The following SIN3A variants were observed in gnomAD, a reference collection of about 807,000 sequenced individuals.
The protein encoded by SIN3A is SIN3 transcription regulator family member A.
In SIN3A, 14 loss-of-function variants were observed where a neutral mutation model predicts 146.1. That is an observed-to-expected ratio of 0.10 (90% CI 0.06 to 0.15). The LOEUF is 0.15. SIN3A is among the 10% of genes least tolerant of loss of function. The probability of loss-of-function intolerance (pLI) is 1.00; values close to 1 mark genes in which losing one functional copy is unlikely to be tolerated. For synonymous variants in SIN3A, 572 were observed against 572.0 expected, an observed-to-expected ratio of 1.00 and a Z score of 0.00; for missense variants, 1,028 against 1,576.0, an observed-to-expected ratio of 0.65 and a Z score of 5.89.
chr15:75,452,967 C>A (rs1286811404), upstream of SIN3A: 1 of 152,266 alleles, frequency 6.6e-6, no homozygotes, highest in East Asian at 1.9e-4. Context: ...AAAGTGCTTT[C>A]AATTCCTAGT....
At chr15:75,432,118 T>C (rs1269946872) in intron 1 of SIN3A, among the ~76,000 whole-genome samples, 3 of 152,214 alleles carry the variant, frequency 2.0e-5, no homozygotes, top group South Asian at 2.1e-4. Context: ...TAGCATGAAA[T>C]AGCATGTTTA....
intron 1 of SIN3A, among the ~76,000 whole-genome samples, chr15:75,444,081 T>C (rs985806236): frequency 1.3e-5 from 2 of 152,306 alleles, no homozygotes; most frequent in East Asian, 3.9e-4. Flanking sequence ...CATTTCAATA[T>C]ACAGGAAAAA....
chr15:75,428,013 AAAT>A (rs1340696184), intron 2 of SIN3A, among the ~76,000 whole-genome samples: 1 of 151,770 alleles, frequency 6.6e-6, no homozygotes, highest in Non-Finnish European at 1.5e-5. Context: ...ATAAAATAAA[AAAT>A]AAAAAAACCA....
intron 17 of SIN3A, 149 bp from the exon 18 acceptor site, chr15:75,381,854 G>A (rs1052087172): frequency 2.6e-5 from 17 of 642,324 alleles, no homozygotes; most frequent in Non-Finnish European, 4.3e-5. Context: ...TGGGTGGCCA[G>A]TGATAAAGGC....
intron 2 of SIN3A, among the ~76,000 whole-genome samples, chr15:75,429,048 C>T (rs953776970): frequency 1.3e-5 from 2 of 152,148 alleles, no homozygotes. Context: ...ATACAAAATA[C>T]ATGCTAATCA....
At chr15:75,444,283 A>G (rs1213582162) in intron 1 of SIN3A, among the ~76,000 whole-genome samples, 5 of 152,154 alleles carry the variant, frequency 3.3e-5, no homozygotes, top group Non-Finnish European at 5.9e-5. Flanking sequence ...TCTACTAAAA[A>G]TACAAAAATT....
Position 75,389,906 on chromosome 15 carries a change from T to TTTG in SIN3A, c.2852-86_2852-85insCAA, listed in dbSNP as rs1228545959. 6.5e-5 allele frequency: 86 copies of TTTG among 1,329,682 alleles called. 4 individuals are homozygous for TTTG. In the Admixed American group the frequency reaches 1.6e-3, roughly 25 times the overall value. 82.4% of individuals were successfully genotyped at this position (1,329,682 alleles called of 1,614,324 possible). A position where few individuals can be genotyped will look rare whatever the true frequency, so the allele number is the denominator to read the frequency against. On this transcript the variant is annotated intron_variant, in intron 15 of 20. Coordinates refer to ENST00000394947, the MANE Select transcript of SIN3A (RefSeq NM_001145358.2). ...TACAGGGCAAATCCCACAGCTGGCCTAAATGGCATTTGAAAGTATGAACAC... is the reference window on the plus strand; with the variant it reads ...TACAGGGCAAATCCCACAGCTGGCCTTTGAAATGGCATTTGAAAGTATGAACAC...
intron 1 of SIN3A, among the ~76,000 whole-genome samples, chr15:75,430,838 C>T (rs138855263): frequency 0.017 from 2,606 of 151,822 alleles, 31 homozygotes; most frequent in Middle Eastern, 0.048. Flanking sequence ...TGCAGTGGTG[C>T]CATCTCGGCT....
intron 1 of SIN3A, among the ~76,000 whole-genome samples, chr15:75,445,365 A>G (rs887520588): frequency 7.9e-6 from 1 of 125,958 alleles, no homozygotes; most frequent in Non-Finnish European, 1.6e-5. Context: ...TGGGCGACAG[A>G]GCGAGACACT....
intron 1 of SIN3A, among the ~76,000 whole-genome samples, chr15:75,433,839 CAATT>C (rs1182356409): frequency 6.6e-6 from 1 of 152,012 alleles, no homozygotes; most frequent in Non-Finnish European, 1.5e-5. Flanking sequence ...AACAAACAAA[CAATT>C]ACCACTCAAA....
rs1399759289 is a variant in SIN3A at position 75,396,310 on chromosome 15, T to A, written c.2041A>T (p.Ile681Phe). 2 of 1,614,210 alleles carry A rather than the reference T, an allele frequency of 1.2e-6. No individual in the cohort carries two copies. The highest frequency in any genetic ancestry group is 1.7e-5 in the Admixed American group (1 of 60,032). Residue 681 changes from isoleucine to phenylalanine, a missense_variant, in exon 13 of 21, where the codon ATT becomes TTT. Physicochemically the swap from Ile to Phe is conservative, Grantham distance 21. Transcript: ENST00000394947. ...RIYADKAADI[I>F]DGLRKNPSIA... ...GAGGGATTCTTTCTCAGACCATCAA[T>A]GATGTCAGCTGCTTTATCAGCATAT...
chr15:75,445,685 TG>T (rs1753749936), intron 1 of SIN3A, among the ~76,000 whole-genome samples: 2 of 147,216 alleles, frequency 1.4e-5, no homozygotes, highest in Admixed American at 1.4e-4. Context: ...TGTATGTGTG[TG>T]TGTGCAATGA....
intron 20 of SIN3A, among the ~76,000 whole-genome samples, chr15:75,374,275 C>G (rs2072812756): frequency 6.6e-6 from 1 of 152,150 alleles, no homozygotes; most frequent in African/African-American, 2.4e-5. Context: ...GAGGGTGGAT[C>G]ACTTGAGGTC....
intron 2 of SIN3A, 107 bp from the exon 3 acceptor site, chr15:75,422,930 A>G: frequency 3.4e-6 from 4 of 1,182,892 alleles, no homozygotes; most frequent in Middle Eastern, 2.6e-4. Flanking sequence ...TTGGAAACCC[A>G]AATTTCTGCT....
rs779578729 is a variant in SIN3A at position 75,430,346 on chromosome 15, T to A, written c.30A>T (p.Ser10=). The A allele has an allele frequency of 6.8e-5, 110 of 1,613,470 alleles. No individual in the cohort carries two copies. The highest frequency in any genetic ancestry group is 9.3e-5 in the Non-Finnish European group (110 of 1,179,800). MKRRLDDQE[S]PVYAAQQRRI... is the part of the protein sequence containing the mutation. ...GACGCTGCTGGGCTGCATACACCGG[T>A]GACTCCTGGTCATCCAAACGCCGCT... The change falls in exon 2 of 21, where the codon TCA becomes TCT. Residue 10 remains serine (S), a synonymous_variant. Transcript: ENST00000394947.
At chr15:75,413,700 T>C (rs369398751) in intron 4 of SIN3A, among the ~76,000 whole-genome samples, 2 of 152,140 alleles carry the variant, frequency 1.3e-5, no homozygotes, top group Non-Finnish European at 2.9e-5. Context: ...CCCGCCACCA[T>C]GCCCGGCTAA....
In SIN3A at chr15:75,394,848, C is replaced by T; in HGVS notation, c.2109G>A (p.Glu703=). ...PIVLKRLKMK[E]EEWREAQRGF... is the part of the protein sequence containing the mutation. ...CTCTCTGAGCTTCTCGCCATTCTTC[C>T]TCTTTCATCTTCAACCTAGTGAAGC... The change falls in exon 14 of 21, where the codon GAG becomes GAA. Residue 703 remains glutamate (E), a synonymous_variant. Coordinates refer to ENST00000394947, the MANE Select transcript of SIN3A (RefSeq NM_001145358.2). 6.2e-7 allele frequency: 1 copy of T among 1,613,574 alleles called. No individual in the cohort carries two copies. The highest frequency in any genetic ancestry group is 8.5e-7 in the Non-Finnish European group (1 of 1,179,752).
At chr15:75,385,968 G>A (rs1284224754) in intron 16 of SIN3A, among the ~76,000 whole-genome samples, 4 of 152,164 alleles carry the variant, frequency 2.6e-5, no homozygotes, top group Admixed American at 1.3e-4. Flanking sequence ...AAAAGAAAAG[G>A]TGGAAAAAAA....
At chr15:75,406,472 G>C (rs1325830558) in intron 9 of SIN3A, among the ~76,000 whole-genome samples, 1 of 152,166 alleles carries the variant, frequency 6.6e-6, no homozygotes, top group African/African-American at 2.4e-5. Flanking sequence ...CGGATCACGA[G>C]GTCAGGAGAT....
Sources: allele counts gnomAD v4.1 joint callset (sites outside exome capture counted in the v4.1 genomes callset), GRCh38; gene constraint gnomAD v4.1.1; transcripts MANE v1.5; gene names NCBI Gene and HGNC (gene_info 2026-07-23, HGNC 2026-07-21).